Variants in ABR observed in about 807,000 individuals in gnomAD.
ABR encodes the protein active breakpoint cluster region-related protein.
Under a neutral mutation model 107.2 loss-of-function variants are expected in ABR, and 35 were observed. That is an observed-to-expected ratio of 0.33 (90% CI 0.25 to 0.43). ABR has a LOEUF of 0.43. ABR is among the 20% of genes least tolerant of loss of function. The probability of loss-of-function intolerance (pLI) is 1.00; values close to 1 mark genes in which losing one functional copy is unlikely to be tolerated. For missense variants in ABR, 815 were observed against 1,115.2 expected (o/e 0.73, Z 3.83); for synonymous variants, 498 against 462.0 (o/e 1.08, Z -1.00).
At chr17:1,026,956 ACT>A (rs2072247795) in intron 16 of ABR, among the ~76,000 whole-genome samples, 1 of 138,340 alleles carries the variant, frequency 7.2e-6, no homozygotes, top group Admixed American at 7.1e-5. Flanking sequence ...GCTCCCCCAG[ACT>A]CACACCTGCA....
Position 1,050,430 on chromosome 17 carries a change from G to A in ABR, c.1659+107C>T. The A allele has an allele frequency of 9.0e-7, 1 of 1,111,196 alleles. No homozygotes were observed. The highest frequency in any genetic ancestry group is 1.3e-5 in the South Asian group (1 of 78,446). 68.8% of individuals were successfully genotyped at this position (1,111,196 alleles called of 1,614,324 possible). ...CCAGAGGAGCAGGGAGCAGAAAGGGGGGTGCAGACATAGCTGGTCCAACCA... is the reference window on the plus strand; with the variant it reads ...CCAGAGGAGCAGGGAGCAGAAAGGGAGGTGCAGACATAGCTGGTCCAACCA... On this transcript the variant is annotated intron_variant, in intron 15 of 22. Coordinates refer to ENST00000302538, the MANE Select transcript of ABR (RefSeq NM_021962.5). This position sits in a 1 kb window ranked among gnomAD's most constrained non-coding sequence, Gnocchi z 4.6.
chr17:1,143,516 ACAGCTCG>A (rs2040401488), intron 1 of ABR, among the ~76,000 whole-genome samples: 5 of 8,946 alleles, frequency 5.6e-4, no homozygotes, highest in Non-Finnish European at 1.7e-3. Flanking sequence ...CTCCTGGGGG[ACAGCTCG>A]CTCCTGGGGG....
rs1306214864 is a variant in ABR, at chr17:1,056,063, G to A, written c.1533C>T (p.His511=). The part of the protein sequence containing the change: ...GLYGFLHVIV[H]SAKGFKQSAN... ...CTGATTGCTTAAATCCCTTGGCAGA[G>A]TGGACGATGACATGAAGGAAGCCAT... is the stretch of plus-strand genomic sequence containing the variant. The change falls in exon 14 of 23, where the codon CAC becomes CAT. Residue 511 remains histidine (H), a synonymous_variant. Coordinates refer to ENST00000302538, the MANE Select transcript of ABR (RefSeq NM_021962.5). 4 of 1,614,230 alleles carry A rather than the reference G, an allele frequency of 2.5e-6. No homozygotes were observed. Among genetic ancestry groups the A allele is most frequent in the South Asian group, 1.1e-5 (1 of 91,092 alleles).
chr17:1,014,277 T>TAAAAATACA (rs2070935643), intron 16 of ABR, among the ~76,000 whole-genome samples: 2 of 145,950 alleles, frequency 1.4e-5, no homozygotes, highest in South Asian at 2.2e-4. Flanking sequence ...CCGTCTCTAC[T>TAAAAATACA]AAAAATACAA....
intron 1 of ABR, among the ~76,000 whole-genome samples, chr17:1,197,930 C>T (rs909347568): frequency 6.6e-6 from 1 of 151,718 alleles, no homozygotes; most frequent in Admixed American, 6.6e-5. Context: ...TGCTGACTGT[C>T]AGATCAAAGC....
chr17:1,079,161 C>A, intron 6 of ABR, 169 bp downstream of exon 6: 3 of 1,449,558 alleles, frequency 2.1e-6, no homozygotes, highest in African/African-American at 1.4e-5. Context: ...TCCTCGCGTG[C>A]GCGCACACGC....
intron 5 of ABR, among the ~76,000 whole-genome samples, chr17:1,082,899 AG>A (rs2151254216): frequency 6.6e-6 from 1 of 152,214 alleles, no homozygotes; most frequent in Non-Finnish European, 1.5e-5. Context: ...TGGGAGGCTG[AG>A]ACGGGCACAT....
chr17:1,060,973 CAG>C (rs1037077347), intron 10 of ABR, among the ~76,000 whole-genome samples: 3 of 151,976 alleles, frequency 2.0e-5, no homozygotes, highest in Admixed American at 6.6e-5. Context: ...GCCTGGGCGA[CAG>C]TGACAAAGTG....
intron 16 of ABR, among the ~76,000 whole-genome samples, chr17:1,032,731 G>C (rs954251197): frequency 3.9e-5 from 6 of 152,154 alleles, no homozygotes; most frequent in African/African-American, 1.4e-4. Flanking sequence ...CAGAGACTAG[G>C]ACACAAATTA....
chr17:1,093,922 A>G (rs2037211230), intron 3 of ABR, among the ~76,000 whole-genome samples: 1 of 151,996 alleles, frequency 6.6e-6, no homozygotes, highest in African/African-American at 2.4e-5. Flanking sequence ...AGATCCAACA[A>G]TCCATGCAGG....
intron 1 of ABR, among the ~76,000 whole-genome samples, chr17:1,158,311 G>C (rs945502303): frequency 4.0e-5 from 6 of 151,402 alleles, no homozygotes; most frequent in African/African-American, 1.5e-4. Context: ...GCCCAGGCTG[G>C]TCTCAAACTC....
intron 10 of ABR, among the ~76,000 whole-genome samples, chr17:1,060,324 C>T (rs575013315): frequency 6.6e-6 from 1 of 152,138 alleles, no homozygotes; most frequent in South Asian, 2.1e-4. Flanking sequence ...GCACGAGAAT[C>T]GCTTGAACCC....
intron 3 of ABR, 126 bp from the exon 4 acceptor site, chr17:1,091,976 C>A: frequency 9.7e-7 from 1 of 1,029,112 alleles, no homozygotes; most frequent in Non-Finnish European, 1.4e-6. Context: ...CTGCCAAAGG[C>A]AGGGCACTGA....
At chr17:1,019,494 CCTGCTGCAGGTGTGGCCCTG>C (rs1567585180) in intron 16 of ABR, among the ~76,000 whole-genome samples, 4 of 24,008 alleles carry the variant, frequency 1.7e-4, no homozygotes, top group Non-Finnish European at 1.0e-4. Context: ...GGCCCTGGTG[CCTGCTGCAGGTGTGGCCCTG>C]GTATCCGCTC....
chr17:1,102,928 T>C (rs1399562629), intron 2 of ABR, among the ~76,000 whole-genome samples: 1 of 152,152 alleles, frequency 6.6e-6, no homozygotes, highest in East Asian at 1.9e-4. Flanking sequence ...CAGGCTCGTC[T>C]CAAACTCCTG....
chr17:1,066,838 C>T (rs2034793148), intron 10 of ABR, among the ~76,000 whole-genome samples: 1 of 152,094 alleles, frequency 6.6e-6, no homozygotes, highest in Non-Finnish European at 1.5e-5. Flanking sequence ...TACTTGCTTC[C>T]CCTTTCTATC....
intron 16 of ABR, among the ~76,000 whole-genome samples, chr17:1,033,436 G>A (rs1485228177): frequency 1.3e-5 from 2 of 152,164 alleles, no homozygotes; most frequent in African/African-American, 2.4e-5. Context: ...GCTGAGCTAC[G>A]TGTCCAAGGC....
chr17:1,123,206 G>A (rs2151442764), intron 2 of ABR, among the ~76,000 whole-genome samples: 1 of 152,178 alleles, frequency 6.6e-6, no homozygotes, highest in East Asian at 1.9e-4. Context: ...AGGTGCCGCG[G>A]ATGGGACCTT....
intron 1 of ABR, among the ~76,000 whole-genome samples, chr17:1,142,877 C>T (rs980599945): frequency 2.0e-5 from 3 of 152,168 alleles, no homozygotes; most frequent in Non-Finnish European, 2.9e-5. Context: ...ACCCTCACCC[C>T]GAGGCCTGGA....
Sources: allele counts gnomAD v4.1 joint callset (sites outside exome capture counted in the v4.1 genomes callset), GRCh38; gene constraint gnomAD v4.1.1; non-coding constraint Gnocchi (gnomAD v3.1); transcripts MANE v1.5; gene names NCBI Gene and HGNC (gene_info 2026-07-23, HGNC 2026-07-21).